Variants in LDLRAD4 observed in about 807,000 individuals in gnomAD.
LDLRAD4 encodes the protein low-density lipoprotein receptor class A domain-containing protein 4.
LDLRAD4 carries 5 observed loss-of-function variants against 17.0 expected under a neutral mutation model. That is an observed-to-expected ratio of 0.29 (90% CI 0.15 to 0.62). The LOEUF (loss-of-function observed/expected upper bound fraction) is 0.62, where lower values mean the gene tolerates loss of function less well. LDLRAD4 is among the 20% of genes least tolerant of loss of function. LDLRAD4 has a pLI of 0.84. For missense variants in LDLRAD4, 340 were observed against 424.7 expected, an observed-to-expected ratio of 0.80 and a Z score of 1.75; for synonymous variants, 168 against 171.8, an observed-to-expected ratio of 0.98 and a Z score of 0.17.
chr18:13,232,088 G>A (rs1448846657), intron 1 of LDLRAD4, among the ~76,000 whole-genome samples: 3 of 152,048 alleles, frequency 2.0e-5, no homozygotes, highest in Non-Finnish European at 4.4e-5. Context: ...AGGGGACTGA[G>A]GGGGCACCCC....
chr18:13,642,251 G>A (rs1039042378), intron 4 of LDLRAD4: 70 of 987,086 alleles, frequency 7.1e-5, no homozygotes, highest in Non-Finnish European at 7.9e-5. Context: ...GGCCGTCGGA[G>A]GCTCAGTGAT....
Position 13,652,317 on chromosome 18 carries a change from A to G in LDLRAD4, c.*6660A>G, listed in dbSNP as rs1012779755. On this transcript the variant is annotated 3_prime_UTR_variant, in exon 6 of 6. Coordinates refer to ENST00000359446, the Ensembl canonical transcript of LDLRAD4. ...CTATTTTTCATTTCATAGCTTTCAA[A>G]AATCATGCTAATTGTATACTTGTCT... The G allele has an allele frequency of 3.9e-5, 6 of 152,350 alleles. No homozygotes were observed. In the South Asian group the frequency reaches 8.3e-4, roughly 21 times the overall value. The allele number at this position is 152,350 out of a possible 1,614,324, so 9.4% of individuals were successfully genotyped here.
chr18:13,519,244 C>T (rs1449864380), intron 3 of LDLRAD4, among the ~76,000 whole-genome samples: 1 of 152,136 alleles, frequency 6.6e-6, no homozygotes, highest in Non-Finnish European at 1.5e-5. Flanking sequence ...GCAGACGGTT[C>T]CTCTGGGGAT....
intron 3 of LDLRAD4, among the ~76,000 whole-genome samples, chr18:13,531,433 G>A (rs544214830): frequency 9.5e-6 from 1 of 105,120 alleles, no homozygotes; most frequent in Non-Finnish European, 2.0e-5. Context: ...AACATAGTGA[G>A]ACCCCATATC....
At chr18:13,288,844 T>C (rs2045802377) in intron 1 of LDLRAD4, among the ~76,000 whole-genome samples, 1 of 152,154 alleles carries the variant, frequency 6.6e-6, no homozygotes, top group African/African-American at 2.4e-5. Flanking sequence ...CCATGGCAAT[T>C]GACCGCACCT....
intron 3 of LDLRAD4, among the ~76,000 whole-genome samples, chr18:13,598,000 TTG>T (rs1385188195): frequency 1.3e-5 from 2 of 152,246 alleles, no homozygotes; most frequent in African/African-American, 4.8e-5. Flanking sequence ...TGTGAAGTTT[TTG>T]TTAAGCTGGA....
intron 3 of LDLRAD4, among the ~76,000 whole-genome samples, chr18:13,464,588 A>C (rs1317504192): frequency 1.3e-5 from 2 of 152,260 alleles, no homozygotes; most frequent in Non-Finnish European, 1.5e-5. Context: ...TGACAATACC[A>C]CTGTCTGCCA....
chr18:13,389,135 T>C lies in LDLRAD4; in HGVS notation c.40+1373T>C, dbSNP rs1171609462. Among the ~76,000 whole-genome samples the C allele has an allele frequency of 3.3e-5, 5 of 152,330 alleles. No homozygotes were observed. In the East Asian group the frequency reaches 9.6e-4, roughly 29 times the overall value. ...GAGCACGTGCAAAGCTAAGCTCTCT[T>C]GAACCATCTTCATACCTGCAGCCCA... On this transcript the variant is annotated intron_variant, in intron 2 of 5. Transcript: ENST00000359446.
At chr18:13,496,358 A>G (rs2093469597) in intron 3 of LDLRAD4, among the ~76,000 whole-genome samples, 2 of 151,972 alleles carry the variant, frequency 1.3e-5, no homozygotes, top group Non-Finnish European at 2.9e-5. Context: ...GGATTAGATG[A>G]CCCCAGTCTC....
At chr18:13,482,164 GC>G (rs1016582022) in intron 3 of LDLRAD4, among the ~76,000 whole-genome samples, 5 of 152,152 alleles carry the variant, frequency 3.3e-5, no homozygotes, top group African/African-American at 7.2e-5. Flanking sequence ...AGGGCTGGGG[GC>G]CTGCAGAGAA....
At chr18:13,220,038 G>C (rs1323656537) in intron 1 of LDLRAD4, among the ~76,000 whole-genome samples, 1 of 151,428 alleles carries the variant, frequency 6.6e-6, no homozygotes, top group African/African-American at 2.4e-5. Flanking sequence ...GAGGATGTCT[G>C]AGTATTACCC....
chr18:13,620,217 T>C (rs1455379154), intron 3 of LDLRAD4, among the ~76,000 whole-genome samples: 1 of 152,182 alleles, frequency 6.6e-6, no homozygotes, highest in Non-Finnish European at 1.5e-5. Flanking sequence ...GCGGCACATG[T>C]ACGTGCATGC....
chr18:13,263,826 G>A (rs1334812511), intron 1 of LDLRAD4, among the ~76,000 whole-genome samples: 3 of 152,166 alleles, frequency 2.0e-5, no homozygotes. Context: ...TGACTGCATT[G>A]CTGTCCCTCT....
At chr18:13,640,805 A>T (rs1371641355) in intron 4 of LDLRAD4, among the ~76,000 whole-genome samples, 1 of 152,202 alleles carries the variant, frequency 6.6e-6, no homozygotes, top group Non-Finnish European at 1.5e-5. Context: ...AGACCTGCCG[A>T]CAGGCCGGAT....
chr18:13,348,104 G>A (rs1055314312), intron 1 of LDLRAD4, among the ~76,000 whole-genome samples: 11 of 152,286 alleles, frequency 7.2e-5, no homozygotes, highest in Non-Finnish European at 1.2e-4. Context: ...GCTTTGTTGC[G>A]ATGCTGGTGA....
intron 1 of LDLRAD4, among the ~76,000 whole-genome samples, chr18:13,296,339 C>G (rs1225109477): frequency 6.6e-6 from 1 of 152,142 alleles, no homozygotes; most frequent in Non-Finnish European, 1.5e-5. Flanking sequence ...TACCACAGAC[C>G]GGGTGACTTA....
At chr18:13,410,028 G>T (rs553469607) in intron 2 of LDLRAD4, among the ~76,000 whole-genome samples, 1 of 152,308 alleles carries the variant, frequency 6.6e-6, no homozygotes, top group South Asian at 2.1e-4. Flanking sequence ...TGCCTCTGTG[G>T]TGTTCTTCCC....
At chr18:13,298,455 TGCTGCTCTGGGCACGGTGATGGA>T (rs2046393793) in intron 1 of LDLRAD4, among the ~76,000 whole-genome samples, 2 of 127,176 alleles carry the variant, frequency 1.6e-5, no homozygotes, top group Non-Finnish European at 1.6e-5. Flanking sequence ...ACGGCAATTT[TGCTGCTCTGGGCACGGTGATGGA>T]GCTGCTCCGG....
At chr18:13,219,792 G>A (rs2041353095) in intron 1 of LDLRAD4, among the ~76,000 whole-genome samples, 1 of 152,244 alleles carries the variant, frequency 6.6e-6, no homozygotes, top group Non-Finnish European at 1.5e-5. Context: ...CTTCCCTGGA[G>A]CTTCAGGACT....
Sources: allele counts gnomAD v4.1 joint callset (sites outside exome capture counted in the v4.1 genomes callset), GRCh38; gene constraint gnomAD v4.1.1; transcripts MANE v1.5; gene names NCBI Gene and HGNC (gene_info 2026-07-23, HGNC 2026-07-21).